The following HACD1 variants were observed in gnomAD, a reference collection of about 807,000 sequenced individuals.
HACD1 encodes 3-hydroxyacyl-CoA dehydratase 1.
Under a neutral mutation model 32.0 loss-of-function variants are expected in HACD1, and 41 were observed. The observed-to-expected ratio is 1.28, with a 90% CI of 1.00 to 1.66. HACD1 has a LOEUF of 1.66. HACD1 is among the 40% of genes most tolerant of loss of function. The pLI is 0.00. For synonymous variants in HACD1, 142 were observed against 139.0 expected (o/e 1.02, Z -0.15); for missense variants, 396 against 380.1 (o/e 1.04, Z -0.35).
intron 6 of HACD1, among the ~76,000 whole-genome samples, chr10:17,591,162 A>AG (rs1309338221): frequency 6.6e-6 from 1 of 152,100 alleles, no homozygotes; most frequent in Non-Finnish European, 1.5e-5. Flanking sequence ...CTGTACTGCA[A>AG]GGGGTCTCCT....
In HACD1 at chr10:17,590,360, T is replaced by C; in HGVS notation, c.*4A>G. On this transcript the variant is annotated 3_prime_UTR_variant, in exon 7 of 7. Transcript: ENST00000361271. ...GGAAAAAGCACCTTGTTTGCAGAGA[T>C]CATTTAATCATCCTTTTCTACAATC... The C allele has an allele frequency of 1.3e-6, 2 of 1,576,826 alleles. No individual in the cohort carries two copies. The highest frequency in any genetic ancestry group is 2.3e-5 in the South Asian group (2 of 87,192).
chr10:17,605,422 G>A (rs2131514501), intron 1 of HACD1, among the ~76,000 whole-genome samples: 1 of 151,926 alleles, frequency 6.6e-6, no homozygotes, highest in East Asian at 1.9e-4. Flanking sequence ...CTACTCCGGA[G>A]GCTGAGGCAG....
intron 1 of HACD1, among the ~76,000 whole-genome samples, chr10:17,615,015 G>C (rs967188359): frequency 1.4e-4 from 21 of 152,182 alleles, no homozygotes; most frequent in African/African-American, 5.1e-4. Context: ...GCCTTCCAAA[G>C]TGCTGGGATT....
rs781936053 is a variant in HACD1, at chr10:17,603,758, GA to G, written c.376-15del. 6.3e-6 allele frequency: 10 copies of G among 1,589,802 alleles called. No homozygotes were observed. Among genetic ancestry groups the G allele is most frequent in the Non-Finnish European group, 8.6e-6 (10 of 1,161,166 alleles). ...ACAGTGAACTATCTGTAAGCAAATA[GA>G]AAAAAATCATTACGTCAATAATAGA... is the stretch of plus-strand genomic sequence containing the variant. On this transcript the variant is annotated splice_polypyrimidine_tract_variant and intron_variant, in intron 2 of 6. Transcript: ENST00000361271.
intron 5 of HACD1, among the ~76,000 whole-genome samples, chr10:17,594,653 T>A (rs1833971542): frequency 6.6e-6 from 1 of 152,120 alleles, no homozygotes; most frequent in Non-Finnish European, 1.5e-5. Flanking sequence ...CTTTTATGTA[T>A]TAAAAAATGT....
At chr10:17,610,985 C>T (rs1834226013) in intron 1 of HACD1, among the ~76,000 whole-genome samples, 1 of 150,062 alleles carries the variant, frequency 6.7e-6, no homozygotes, top group Admixed American at 6.7e-5. Flanking sequence ...CCACTCTACA[C>T]TTCAGGTCCT....
At chr10:17,616,687 C>T (rs1442474401) in intron 1 of HACD1, among the ~76,000 whole-genome samples, 7 of 150,764 alleles carry the variant, frequency 4.6e-5, no homozygotes, top group Admixed American at 2.0e-4. Context: ...TTAACAGGGG[C>T]GAAAACTCTG....
intron 4 of HACD1, chr10:17,603,080 G>T (rs1466499687): frequency 6.5e-6 from 1 of 153,416 alleles, no homozygotes; most frequent in African/African-American, 2.4e-5. Context: ...TAGGAACAGG[G>T]TTTCACCATG....
chr10:17,596,608 T>A (rs1004586672), intron 5 of HACD1, among the ~76,000 whole-genome samples: 11 of 152,092 alleles, frequency 7.2e-5, no homozygotes, highest in Non-Finnish European at 1.6e-4. Flanking sequence ...ATTATATAAT[T>A]TGACTTTACT....
chr10:17,608,851 T>G (rs1015899533), intron 1 of HACD1, among the ~76,000 whole-genome samples: 4 of 152,192 alleles, frequency 2.6e-5, no homozygotes, highest in Admixed American at 6.5e-5. Flanking sequence ...GTTATACTTT[T>G]GTTTAGCAGC....
At chr10:17,597,511 C>T (rs1834009697) in intron 5 of HACD1, among the ~76,000 whole-genome samples, 1 of 152,286 alleles carries the variant, frequency 6.6e-6, no homozygotes, top group South Asian at 2.1e-4. Context: ...TCCAGACACT[C>T]AAGACATGCA....
In HACD1 at chr10:17,590,272, A is replaced by T; in HGVS notation, c.*92T>A. On this transcript the variant is annotated 3_prime_UTR_variant, in exon 7 of 7. Coordinates refer to ENST00000361271, the MANE Select transcript of HACD1 (RefSeq NM_014241.4). Reference sequence around the variant, plus strand: ...ATTTTAAGAAACCATACAATCCATGATATTTCACAAAGTTGTTTATTCTTG... The same window carrying T: ...ATTTTAAGAAACCATACAATCCATGTTATTTCACAAAGTTGTTTATTCTTG... 1.1e-6 allele frequency: 1 copy of T among 897,016 alleles called. No homozygotes were observed. The highest frequency in any genetic ancestry group is 1.7e-6 in the Non-Finnish European group (1 of 578,576). 55.6% of individuals were successfully genotyped at this position (897,016 alleles called of 1,614,324 possible). A position where few individuals can be genotyped will look rare whatever the true frequency, so the allele number is the denominator to read the frequency against.
chr10:17,609,155 G>GTTTTTTTTTTTTTTTTTTTTTTT (rs56347429), intron 1 of HACD1, among the ~76,000 whole-genome samples: 24 of 132,122 alleles, frequency 1.8e-4, no homozygotes, highest in African/African-American at 6.6e-4. Context: ...TGTGCAAAAG[G>GTTTTTTTTTTTTTTTTTTTTTTT]TTTTTTTTTT....
chr10:17,599,502 T>C lies in HACD1; in HGVS notation c.484-91A>G, dbSNP rs782660851. 11 of 1,464,274 alleles carry C rather than the reference T, an allele frequency of 7.5e-6. No individual in the cohort carries two copies. The Middle Eastern group carries it at 1.3e-3, about 169-fold the overall frequency. The allele number at this position is 1,464,274 out of a possible 1,614,324, so 90.7% of individuals were successfully genotyped here. On this transcript the variant is annotated intron_variant, in intron 4 of 6. Coordinates refer to ENST00000361271, the MANE Select transcript of HACD1 (RefSeq NM_014241.4). ...CTTTACTTATTTATTGCCTTTTATT[T>C]ATAATGGAATGTTAGGGTTAGGCAA...
chr10:17,590,450 C>T lies in HACD1; in HGVS notation c.785-4G>A, dbSNP rs1476399210. The T allele has an allele frequency of 6.4e-7, 1 of 1,570,152 alleles. No individual in the cohort carries two copies. The highest frequency in any genetic ancestry group is 2.3e-5 in the East Asian group (1 of 44,320). On this transcript the variant is annotated splice_polypyrimidine_tract_variant and splice_region_variant and intron_variant, in intron 6 of 6. Transcript: ENST00000361271. ...TGAAAATAGAGTTGTGGAAACACTT[C>T]ATTGAAAAAGAAAACAAAGAAAAAC...
At position 17,617,235 on chromosome 10, in the gene HACD1, C is replaced by G; in HGVS notation, c.105G>C (p.Arg35Ser). ...CGCTGGACGCCATGGTGGCCGCGCA[C>G]CTGGGGGACGTGGGAGACAGCGGCA... ...TLLPLSPTSP[R>S]CAATMASSDE... Residue 35 changes from arginine to serine, a missense_variant, in exon 1 of 7, where the codon AGG becomes AGC. Arg to Ser is a moderately radical substitution (Grantham distance 110). Transcript: ENST00000361271. The G allele has an allele frequency of 2.0e-6, 3 of 1,487,200 alleles. No homozygotes were observed. Among genetic ancestry groups the G allele is most frequent in the Non-Finnish European group, 2.7e-6 (3 of 1,123,914 alleles). 92.1% of individuals were successfully genotyped at this position (1,487,200 alleles called of 1,614,324 possible).
rs11254672 is a variant in HACD1 at position 17,590,572 on chromosome 10, T to C, written c.785-126A>G. On this transcript the variant is annotated intron_variant, in intron 6 of 6. Transcript: ENST00000361271. ...CATACCACTGCTGTTCCCTGGATATTTACAGAGCTCAAGACTATAAGAGTG... is the reference window on the plus strand; with the variant it reads ...CATACCACTGCTGTTCCCTGGATATCTACAGAGCTCAAGACTATAAGAGTG... 4,499 of 602,994 alleles carry C rather than the reference T, an allele frequency of 7.5e-3. 158 individuals are homozygous for C. The African/African-American group carries it at 0.077, about 10-fold the overall frequency. The allele number at this position is 602,994 out of a possible 1,614,324, so 37.4% of individuals were successfully genotyped here. A position where few individuals can be genotyped will look rare whatever the true frequency, so the allele number is the denominator to read the frequency against.
intron 6 of HACD1, among the ~76,000 whole-genome samples, chr10:17,591,562 C>G (rs1019372475): frequency 1.2e-4 from 18 of 152,218 alleles, no homozygotes; most frequent in African/African-American, 4.3e-4. Context: ...AAATTGTCAT[C>G]TGTCCAGTCA....
In HACD1 at chr10:17,599,414, G is replaced by C; in HGVS notation, c.484-3C>G. 6.2e-7 allele frequency: 1 copy of C among 1,611,852 alleles called. No homozygotes were observed. The highest frequency in any genetic ancestry group is 8.5e-7 in the Non-Finnish European group (1 of 1,179,488). ...ACCACACTCTCTTCATTCTGGATCT[G>C]CAGAATTACAGAGAAACCCAGTGTC... On this transcript the variant is annotated splice_region_variant and splice_polypyrimidine_tract_variant and intron_variant, in intron 4 of 6. Coordinates refer to ENST00000361271, the MANE Select transcript of HACD1 (RefSeq NM_014241.4).
Sources: gnomAD v4.1 joint callset for allele counts (sites outside exome capture counted in the v4.1 genomes callset) on GRCh38, gnomAD v4.1.1 for gene constraint, MANE v1.5 for transcripts, NCBI Gene and HGNC (gene_info 2026-07-23, HGNC 2026-07-21) for gene names.